XRN1: variants seen among roughly 807,000 people sequenced by gnomAD.
XRN1 encodes the protein strand-exchange protein 1 homolog.
XRN1 carries 67 observed loss-of-function variants against 222.3 expected under a neutral mutation model. That is an observed-to-expected ratio of 0.30 (90% CI 0.25 to 0.37). XRN1 has a LOEUF of 0.37. Ranked by LOEUF, XRN1 falls within the 10% of genes least tolerant of loss-of-function variation. The pLI is 1.00. For synonymous variants in XRN1, 643 were observed against 652.4 expected, an observed-to-expected ratio of 0.99 and a Z score of 0.22; for missense variants, 1,707 against 2,000.2, an observed-to-expected ratio of 0.85 and a Z score of 2.80.
intron 4 of XRN1, 30 bp downstream of exon 4, chr3:142,425,399 T>C (rs202148716): frequency 1.3e-6 from 2 of 1,579,342 alleles, no homozygotes; most frequent in East Asian, 2.3e-5. Flanking sequence ...ATACTTTTTT[T>C]AAACTCTTTA....
chr3:142,309,549 T>C lies in XRN1; in HGVS notation c.*1962A>G, dbSNP rs1206828360. The C allele has an allele frequency of 1.3e-5, 2 of 152,268 alleles. No individual in the cohort carries two copies. Among genetic ancestry groups the C allele is most frequent in the Admixed American group, 6.5e-5 (1 of 15,286 alleles). 9.4% of individuals were successfully genotyped at this position (152,268 alleles called of 1,614,324 possible). On this transcript the variant is annotated 3_prime_UTR_variant, in exon 41 of 41. Transcript: ENST00000392981. ...AAAACTCTTTCACTGCCTATCTGTATAGAACTGTCAGCTTGCTGTGCTCAA... is the reference window on the plus strand; with the variant it reads ...AAAACTCTTTCACTGCCTATCTGTACAGAACTGTCAGCTTGCTGTGCTCAA...
At chr3:142,410,366 A>C (rs960595726) in intron 15 of XRN1, among the ~76,000 whole-genome samples, 44 of 152,162 alleles carry the variant, frequency 2.9e-4, no homozygotes, top group African/African-American at 9.6e-4. Flanking sequence ...TGGAAAAAAA[A>C]CTGGATGTTG....
At chr3:142,430,315 C>G (rs537808429) in intron 2 of XRN1, among the ~76,000 whole-genome samples, 2 of 152,278 alleles carry the variant, frequency 1.3e-5, no homozygotes, top group Admixed American at 1.3e-4. Context: ...CTATCACCTG[C>G]AACTGAACCC....
intron 2 of XRN1, among the ~76,000 whole-genome samples, chr3:142,430,352 C>T (rs955479270): frequency 6.6e-6 from 1 of 152,128 alleles, no homozygotes; most frequent in Non-Finnish European, 1.5e-5. Flanking sequence ...TTTATAAAAT[C>T]CCTCCTTAAC....
intron 1 of XRN1, among the ~76,000 whole-genome samples, chr3:142,440,150 G>A (rs961130367): frequency 8.6e-5 from 13 of 151,934 alleles, no homozygotes; most frequent in Admixed American, 7.2e-4. Flanking sequence ...ACACTGGCAC[G>A]GCCTTCTCAG....
chr3:142,316,510 T>C (rs2107857985), intron 39 of XRN1, among the ~76,000 whole-genome samples: 1 of 152,258 alleles, frequency 6.6e-6, no homozygotes, highest in South Asian at 2.1e-4. Flanking sequence ...TTAGGAAAAA[T>C]ATAATAAAAG....
At position 142,346,154 on chromosome 3, in the gene XRN1, C is replaced by T. The variant is rs550827377; in HGVS notation, c.3877+1080G>A. 7.2e-5 allele frequency among the ~76,000 whole-genome samples: 11 copies of T among 152,152 alleles called. No homozygotes were observed. The Middle Eastern group carries it at 0.01, about 142-fold the overall frequency. ...CCTCCATGTCTACAAATGGATGAAC[C>T]GATAAAATGTAGCATTCATACAATG... On this transcript the variant is annotated intron_variant, in intron 33 of 40. Coordinates refer to ENST00000392981, the MANE Select transcript of XRN1 (RefSeq NM_001282857.2).
intron 23 of XRN1, among the ~76,000 whole-genome samples, chr3:142,376,994 G>A (rs1197956490): frequency 6.6e-6 from 1 of 151,964 alleles, no homozygotes. Context: ...ACAAAATGAG[G>A]CCTCAGTAAT....
At chr3:142,432,950 T>G in intron 1 of XRN1, 57 bp from the exon 2 acceptor site, 1 of 1,309,984 alleles carries the variant, frequency 7.6e-7, no homozygotes, top group Non-Finnish European at 1.1e-6. Context: ...ACAGATATCT[T>G]AAGCAGCAGG....
intron 39 of XRN1, among the ~76,000 whole-genome samples, chr3:142,316,976 C>T (rs1004423675): frequency 1.3e-5 from 2 of 152,148 alleles, no homozygotes; most frequent in African/African-American, 4.8e-5. Context: ...GTATTAGATT[C>T]ACAGTTTGGC....
intron 33 of XRN1, among the ~76,000 whole-genome samples, chr3:142,342,757 T>A (rs2107791556): frequency 6.6e-6 from 1 of 152,172 alleles, no homozygotes; most frequent in Admixed American, 6.5e-5. Flanking sequence ...TAGACCTCCA[T>A]CTCTTGCCAT....
rs114148060 is a variant in XRN1 at position 142,320,050 on chromosome 3, T to C, written c.4405-1147A>G. On this transcript the variant is annotated intron_variant, in intron 37 of 40. Transcript: ENST00000392981. The stretch of plus-strand genomic sequence containing the variant: ...TGTGATAAACATACAAATGCAGGCA[T>C]ACTTTTTATATAATGATTTCTTTTC... Among the ~76,000 whole-genome samples, 884 of 152,288 alleles carry C rather than the reference T, an allele frequency of 5.8e-3. 11 individuals carry two copies. The highest frequency in any genetic ancestry group is 0.02 in the African/African-American group (848 of 41,558).
At chr3:142,373,750 G>C (rs2067056666) in intron 25 of XRN1, among the ~76,000 whole-genome samples, 1 of 152,164 alleles carries the variant, frequency 6.6e-6, no homozygotes, top group African/African-American at 2.4e-5. Flanking sequence ...CACTTTGGGA[G>C]GCCGAGGCAG....
chr3:142,386,800 T>C (rs1160203281), intron 20 of XRN1, among the ~76,000 whole-genome samples: 1 of 152,138 alleles, frequency 6.6e-6, no homozygotes, highest in Admixed American at 6.5e-5. Flanking sequence ...ATACTACTAC[T>C]ATACCAAAAT....
intron 13 of XRN1, among the ~76,000 whole-genome samples, chr3:142,416,935 G>C (rs1424793091): frequency 6.7e-6 from 1 of 149,780 alleles, no homozygotes. Flanking sequence ...AGGGGGTTGA[G>C]GCAGAATTGC....
intron 32 of XRN1, among the ~76,000 whole-genome samples, chr3:142,347,655 T>C (rs1577262932): frequency 6.6e-6 from 1 of 152,170 alleles, no homozygotes; most frequent in South Asian, 2.1e-4. Flanking sequence ...GGAAGTGCAG[T>C]GGCACAATCT....
At chr3:142,328,110 G>T (rs2065571561) in intron 37 of XRN1, among the ~76,000 whole-genome samples, 2 of 152,058 alleles carry the variant, frequency 1.3e-5, no homozygotes, top group Admixed American at 1.3e-4. Flanking sequence ...CTTGGCTATT[G>T]TGACTAGTGC....
intron 20 of XRN1, among the ~76,000 whole-genome samples, chr3:142,387,284 T>C (rs553938264): frequency 1.3e-5 from 2 of 152,320 alleles, no homozygotes; most frequent in African/African-American, 4.8e-5. Flanking sequence ...ATGTATGTGG[T>C]TACAAGTCAA....
chr3:142,327,262 C>G (rs1370142453), intron 37 of XRN1, among the ~76,000 whole-genome samples: 3 of 152,078 alleles, frequency 2.0e-5, no homozygotes, highest in Admixed American at 6.6e-5. Context: ...AGGCTTTTTA[C>G]TACCGCTTCC....
Sources: allele counts gnomAD v4.1 joint callset (sites outside exome capture counted in the v4.1 genomes callset), GRCh38; gene constraint gnomAD v4.1.1; transcripts MANE v1.5; gene names NCBI Gene and HGNC (gene_info 2026-07-23, HGNC 2026-07-21).